Variants in PCDHGA8 observed in about 807,000 individuals in gnomAD.
PCDHGA8 encodes protocadherin gamma subfamily A, 8, also known as protocadherin gamma-A8.
In PCDHGA8, 45 loss-of-function variants were observed where a neutral mutation model predicts 59.2. That is an observed-to-expected ratio of 0.76 (90% CI 0.60 to 0.98). PCDHGA8 has a LOEUF of 0.98. PCDHGA8 is among the 50% of genes least tolerant of loss of function. PCDHGA8 has a pLI of 0.00. For synonymous variants in PCDHGA8, 531 were observed against 519.0 expected, an observed-to-expected ratio of 1.02 and a Z score of -0.32; for missense variants, 1,257 against 1,196.2, an observed-to-expected ratio of 1.05 and a Z score of -0.75.
intron 3 of PCDHGA8, chr5:141,506,958 A>C (rs529190059): frequency 1.6e-3 from 239 of 152,280 alleles, no homozygotes; most frequent in African/African-American, 5.5e-3. Flanking sequence ...GAATCCTCTC[A>C]ATAGCTCTGC....
chr5:141,407,661 T>G (rs964293417), intron 1 of PCDHGA8, among the ~76,000 whole-genome samples: 13 of 152,164 alleles, frequency 8.5e-5, no homozygotes, highest in African/African-American at 2.7e-4. Flanking sequence ...GAGCGCAGTA[T>G]ATATTAAACA....
At chr5:141,429,169 T>TACACACACACACACACACAAAC (rs2097191391) in intron 1 of PCDHGA8, 1 of 145,394 alleles carries the variant, frequency 6.9e-6, no homozygotes, top group East Asian at 2.0e-4. Flanking sequence ...ACATTGTTTA[T>TACACACACACACACACACAAAC]ACACACACAC....
intron 1 of PCDHGA8, among the ~76,000 whole-genome samples, chr5:141,425,603 A>G (rs2096884807): frequency 6.6e-6 from 1 of 152,218 alleles, no homozygotes; most frequent in Non-Finnish European, 1.5e-5. Context: ...TATGCCCTAT[A>G]TAGCTTTCAG....
chr5:141,489,991 A>G lies in PCDHGA8; in HGVS notation c.2425-4816A>G, dbSNP rs1157441385. On this transcript the variant is annotated intron_variant, in intron 1 of 3. Coordinates refer to ENST00000398604, the MANE Select transcript of PCDHGA8 (RefSeq NM_032088.2). The surrounding 1 kb of genome is among the most constrained non-coding windows in gnomAD (Gnocchi z 4.5). Reference sequence around the variant, plus strand: ...CCAATCCTCAGTTCTACGTGTGGGAATCCCAGAGAATGCACCCATTGGTAC... The same window carrying G: ...CCAATCCTCAGTTCTACGTGTGGGAGTCCCAGAGAATGCACCCATTGGTAC... The G allele has an allele frequency of 6.2e-7, 1 of 1,614,228 alleles. No individual in the cohort carries two copies. Among genetic ancestry groups the G allele is most frequent in the South Asian group, 1.1e-5 (1 of 91,090 alleles).
chr5:141,494,953 T>G, intron 2 of PCDHGA8, 88 bp downstream of exon 2: 1 of 1,604,164 alleles, frequency 6.2e-7, no homozygotes, highest in Non-Finnish European at 8.5e-7. Flanking sequence ...GCCCAGCATT[T>G]GCTACAGATG....
rs900884760 is a variant in PCDHGA8, at chr5:141,414,031, C to T, written c.2424+18794C>T. ...CAATGGAGAAGTGACATATTCATTC[C>T]GAAAATTACCTGACACGCAATTGTT... On this transcript the variant is annotated intron_variant, in intron 1 of 3. Coordinates refer to ENST00000398604, the MANE Select transcript of PCDHGA8 (RefSeq NM_032088.2). 4 of 1,611,858 alleles carry T rather than the reference C, an allele frequency of 2.5e-6. No homozygotes were observed. The Admixed American group carries it at 6.7e-5, about 27-fold the overall frequency.
intron 1 of PCDHGA8, chr5:141,399,959 G>T (rs1257286209): frequency 6.2e-7 from 1 of 1,612,230 alleles, no homozygotes; most frequent in East Asian, 2.2e-5. Context: ...AGCGAGCCCG[G>T]GCTCTTCAGC....
At position 141,394,269 on chromosome 5, in the gene PCDHGA8, C is replaced by T. The variant is rs367765478; in HGVS notation, c.1456C>T (p.Gln486Ter). Residue 486 changes from glutamine (Q) to a stop codon, truncating the protein, a stop_gained, in exon 1 of 4, where the codon CAG (glutamine) becomes TAG (stop). Coordinates refer to ENST00000398604, the MANE Select transcript of PCDHGA8 (RefSeq NM_032088.2). LOFTEE classifies it high-confidence loss of function. ...AHDPDSQENA[Q>*]VTYSVTEDTL... The stretch of plus-strand genomic sequence containing the variant: ...CGACCCCGACAGCCAGGAGAATGCC[C>T]AGGTCACTTACTCTGTGACCGAGGA... The T allele has an allele frequency of 1.2e-6, 2 of 1,613,948 alleles. No individual in the cohort carries two copies. The highest frequency in any genetic ancestry group is 3.3e-5 in the Admixed American group (2 of 60,016).
At chr5:141,478,074 A>G in intron 1 of PCDHGA8, 1 of 1,614,090 alleles carries the variant, frequency 6.2e-7, no homozygotes, top group Non-Finnish European at 8.5e-7. Context: ...GACAATGGGG[A>G]GCCTTCGCTC....
intron 3 of PCDHGA8, 85 bp from the exon 4 acceptor site, chr5:141,510,862 C>A: frequency 6.2e-7 from 1 of 1,606,772 alleles, no homozygotes. Context: ...GCTGTATAGG[C>A]ATTCATTAAC....
At position 141,393,214 on chromosome 5, in the gene PCDHGA8, A is replaced by AT. The variant is rs1561641117; in HGVS notation, c.401_402insT (p.Gln134HisfsTer10). 2 of 1,613,518 alleles carry AT rather than the reference A, an allele frequency of 1.2e-6. No homozygotes were observed. The highest frequency in any genetic ancestry group is 2.2e-5 in the East Asian group (1 of 44,898). On this transcript the variant is annotated frameshift_variant, in exon 1 of 4. Coordinates refer to ENST00000398604, the MANE Select transcript of PCDHGA8 (RefSeq NM_032088.2). LOFTEE classifies it high-confidence loss of function. ...ATTAACGATAATAACCCAAAATTCC[A>AT]GGTCGAAGATCTAGAAGTAAAAATT...
Position 141,491,755 on chromosome 5 carries a change from G to A in PCDHGA8, c.2425-3052G>A. On this transcript the variant is annotated intron_variant, in intron 1 of 3. Transcript: ENST00000398604. This position sits in a 1 kb window ranked among gnomAD's most constrained non-coding sequence, Gnocchi z 6.9. Reference sequence around the variant, plus strand: ...CCCTGGGGGCGGCACTGGAGAAGCCGCCCGTCCTCATAAGGGATTGAACTT... The same window carrying A: ...CCCTGGGGGCGGCACTGGAGAAGCCACCCGTCCTCATAAGGGATTGAACTT... 6 of 1,582,196 alleles carry A rather than the reference G, an allele frequency of 3.8e-6. No individual in the cohort carries two copies. The highest frequency in any genetic ancestry group is 5.1e-6 in the Non-Finnish European group (6 of 1,165,450).
At chr5:141,414,964 G>C (rs1245472476) in intron 1 of PCDHGA8, 11 of 1,613,874 alleles carry the variant, frequency 6.8e-6, no homozygotes, top group Non-Finnish European at 9.3e-6. Context: ...CAAGGTGGTG[G>C]CGGTGGACAG....
chr5:141,407,996 TG>T, intron 1 of PCDHGA8: 1 of 872,306 alleles, frequency 1.1e-6, no homozygotes, highest in Non-Finnish European at 1.7e-6. Flanking sequence ...GCCTCTGGCC[TG>T]GGATTCCCTG....
chr5:141,400,780 T>C, intron 1 of PCDHGA8: 1 of 566,270 alleles, frequency 1.8e-6, no homozygotes, highest in Non-Finnish European at 3.1e-6. Context: ...TGGTGCGTTT[T>C]TTTGTCCTCT....
At chr5:141,401,833 TATA>T (rs947293983) in intron 1 of PCDHGA8, among the ~76,000 whole-genome samples, 12 of 152,238 alleles carry the variant, frequency 7.9e-5, no homozygotes, top group African/African-American at 2.9e-4. Context: ...TGAGATTTCT[TATA>T]ATACCACTTA....
chr5:141,393,715 T>C lies in PCDHGA8; in HGVS notation c.902T>C (p.Ile301Thr). Residue 301 changes from isoleucine (I) to threonine (T), a missense_variant, in exon 1 of 4, where the codon ATA (isoleucine) becomes ACA (threonine). Ile to Thr is a moderately conservative substitution (Grantham distance 89). Coordinates refer to ENST00000398604, the MANE Select transcript of PCDHGA8 (RefSeq NM_032088.2). ...LFQLNENTGE[I>T]SIAKSLDYEE... ...CAGCTTAATGAAAATACTGGGGAAA[T>C]ATCAATAGCAAAAAGTCTAGATTAT... The C allele has an allele frequency of 6.2e-7, 1 of 1,613,746 alleles. No individual in the cohort carries two copies. The highest frequency in any genetic ancestry group is 1.1e-5 in the South Asian group (1 of 91,066).
intron 1 of PCDHGA8, chr5:141,415,846 G>A: frequency 3.2e-6 from 4 of 1,240,536 alleles, no homozygotes; most frequent in Non-Finnish European, 4.2e-6. Flanking sequence ...TAGCTTTGCA[G>A]AACCTTGTAG....
chr5:141,462,552 T>A (rs966816379), intron 1 of PCDHGA8, among the ~76,000 whole-genome samples: 1 of 152,194 alleles, frequency 6.6e-6, no homozygotes, highest in Non-Finnish European at 1.5e-5. Context: ...TCTTCTTCAG[T>A]GTTTACTGTA....
Sources: gnomAD v4.1 joint callset for allele counts (sites outside exome capture counted in the v4.1 genomes callset) on GRCh38, gnomAD v4.1.1 for gene constraint, Gnocchi (gnomAD v3.1) non-coding constraint, MANE v1.5 for transcripts, NCBI Gene and HGNC (gene_info 2026-07-23, HGNC 2026-07-21) for gene names.